UFSP2: variants seen among roughly 807,000 people sequenced by gnomAD.
UFSP2 encodes the protein UFM1 specific peptidase 2.
A neutral mutation model predicts 60.2 loss-of-function variants in UFSP2; 43 were observed. The ratio of observed to expected loss-of-function variants is 0.71; its 90% CI spans 0.56 to 0.92. The LOEUF (loss-of-function observed/expected upper bound fraction) is 0.92. Ranked by LOEUF, UFSP2 falls within the 40% of genes least tolerant of loss-of-function variation. The pLI, the probability that UFSP2 is intolerant of heterozygous loss-of-function variation, is 0.00. For synonymous variants in UFSP2, 183 were observed against 195.1 expected (o/e 0.94, Z 0.52); for missense variants, 520 against 575.0 (o/e 0.90, Z 0.98).
At chr4:185,407,017 C>CT (rs34710879) in intron 9 of UFSP2, among the ~76,000 whole-genome samples, 48 of 99,078 alleles carry the variant, frequency 4.8e-4, no homozygotes, top group African/African-American at 1.1e-3. Flanking sequence ...TTTGGCTTTT[C>CT]TTTTTTTTTT....
Position 185,421,122 on chromosome 4 carries a change from GCTGA to G in UFSP2, c.82+1359_82+1362del, listed in dbSNP as rs140150606. On this transcript the variant is annotated intron_variant, in intron 2 of 11. Coordinates refer to ENST00000264689, the MANE Select transcript of UFSP2 (RefSeq NM_018359.5). Reference sequence around the variant, plus strand: ...ATGGCACATTAGAATTACCTAGAAAGCTGACTGATGCCTGGGTCTCTGTCCCAGA... The same window carrying G: ...ATGGCACATTAGAATTACCTAGAAAGCTGATGCCTGGGTCTCTGTCCCAGA... 5.7e-3 allele frequency among the ~76,000 whole-genome samples: 863 copies of G among 152,300 alleles called. 10 individuals are homozygous for G. Among genetic ancestry groups the G allele is most frequent in the African/African-American group, 0.02 (836 of 41,558 alleles).
intron 1 of UFSP2, among the ~76,000 whole-genome samples, 193 bp downstream of exon 1, chr4:185,425,673 T>C (rs2095558516): frequency 6.6e-6 from 1 of 151,916 alleles, no homozygotes; most frequent in African/African-American, 2.4e-5. Context: ...GGGTGCACAC[T>C]TGTGTAGGGC....
intron 11 of UFSP2, 23 bp from the exon 12 acceptor site, chr4:185,400,501 G>GA (rs747983648): frequency 1.3e-6 from 2 of 1,577,990 alleles, no homozygotes; most frequent in African/African-American, 2.7e-5. Context: ...GACGGGAAAG[G>GA]AAAGCCTTTT....
chr4:185,422,392 ATCTC>A (rs1387499046), intron 2 of UFSP2, 89 bp downstream of exon 2: 10 of 867,104 alleles, frequency 1.2e-5, no homozygotes, highest in South Asian at 9.2e-5. Context: ...AGTTCATCCT[ATCTC>A]TCTCTCAGTT....
At chr4:185,401,254 A>G (rs1020327560) in intron 11 of UFSP2, among the ~76,000 whole-genome samples, 1 of 152,230 alleles carries the variant, frequency 6.6e-6, no homozygotes, top group Non-Finnish European at 1.5e-5. Flanking sequence ...AGATAAAAGT[A>G]AAAAATCCTC....
chr4:185,422,954 G>A (rs1207725714), intron 1 of UFSP2, among the ~76,000 whole-genome samples: 2 of 152,182 alleles, frequency 1.3e-5, no homozygotes, highest in African/African-American at 4.8e-5. Context: ...CGCCTCCTGG[G>A]TGTAAGAGAT....
At chr4:185,423,651 A>G (rs2095553471) in intron 1 of UFSP2, among the ~76,000 whole-genome samples, 1 of 152,228 alleles carries the variant, frequency 6.6e-6, no homozygotes, top group Non-Finnish European at 1.5e-5. Context: ...CAACTTATAA[A>G]GGGAAAAGAG....
chr4:185,408,587 A>G (rs919171298), intron 7 of UFSP2, 152 bp from the exon 8 acceptor site: 1 of 831,560 alleles, frequency 1.2e-6, no homozygotes, highest in Non-Finnish European at 1.8e-6. Flanking sequence ...GTTTAACATT[A>G]TACCTTCTTG....
At chr4:185,400,704 TA>T (rs971181848) in intron 11 of UFSP2, 15 of 390,730 alleles carry the variant, frequency 3.8e-5, no homozygotes, top group Non-Finnish European at 5.5e-5. Context: ...TAAAAATCAT[TA>T]AAAAAAATTT....
rs1240256088 is a variant in UFSP2 at position 185,425,958 on chromosome 4, G to T, written c.-90C>A. On this transcript the variant is annotated 5_prime_UTR_variant, in exon 1 of 12. Coordinates refer to ENST00000264689, the MANE Select transcript of UFSP2 (RefSeq NM_018359.5). ...AGTGGTGTCACCGCACGGCCCAGGG[G>T]CGGGGCCCGGGCGGACCAACTACAA... The T allele has an allele frequency of 1.6e-5, 24 of 1,489,950 alleles. No homozygotes were observed. The highest frequency in any genetic ancestry group is 2.7e-6 in the Non-Finnish European group (3 of 1,092,406). The allele number at this position is 1,489,950 out of a possible 1,614,324, so 92.3% of individuals were successfully genotyped here.
At chr4:185,411,954 C>A (rs1166599325) in intron 7 of UFSP2, among the ~76,000 whole-genome samples, 1 of 152,084 alleles carries the variant, frequency 6.6e-6, no homozygotes, top group African/African-American at 2.4e-5. Context: ...AACATATACG[C>A]TGAAACTACT....
At chr4:185,419,466 T>C (rs1303174625) in intron 2 of UFSP2, among the ~76,000 whole-genome samples, 3 of 152,198 alleles carry the variant, frequency 2.0e-5, no homozygotes, top group South Asian at 4.1e-4. Context: ...TGGTACCCCA[T>C]GGCCTGGTGG....
Position 185,399,916 on chromosome 4 carries a change from A to G in UFSP2, c.*476T>C, listed in dbSNP as rs2095511176. On this transcript the variant is annotated 3_prime_UTR_variant, in exon 12 of 12. Coordinates refer to ENST00000264689, the MANE Select transcript of UFSP2 (RefSeq NM_018359.5). ...TAACATTTTAGTACTGGTTATACTT[A>G]CCAGAGTCTAGAGACCAAAAATGGG... 4 of 1,541,458 alleles carry G rather than the reference A, an allele frequency of 2.6e-6. No individual in the cohort carries two copies. In the African/African-American group the frequency reaches 4.2e-5, roughly 16 times the overall value.
At position 185,418,726 on chromosome 4, in the gene UFSP2, A is replaced by G; in HGVS notation, c.127T>C (p.Ser43Pro). ...AGGGCGTTTGAAGACAGCTTAGTTG[A>G]CAGGTCACTCAACACATGTTTCAGT... is the stretch of plus-strand genomic sequence containing the variant. Reference protein sequence around the residue: ...KALKHVLSDLSTKLSSNALVF... With the variant: ...KALKHVLSDLPTKLSSNALVF... Residue 43 changes from serine to proline, a missense_variant, in exon 3 of 12, where the codon TCA becomes CCA. Ser to Pro is a moderately conservative substitution (Grantham distance 74). Transcript: ENST00000264689. 6.2e-7 allele frequency: 1 copy of G among 1,613,158 alleles called. No homozygotes were observed. The highest frequency in any genetic ancestry group is 8.5e-7 in the Non-Finnish European group (1 of 1,179,734).
chr4:185,406,594 G>C (rs1428841568), intron 9 of UFSP2, among the ~76,000 whole-genome samples: 1 of 151,998 alleles, frequency 6.6e-6, no homozygotes, highest in Non-Finnish European at 1.5e-5. Context: ...ATTATTTTTT[G>C]AGATGGAGGC....
chr4:185,412,726 C>T (rs892704703), intron 7 of UFSP2, among the ~76,000 whole-genome samples: 2 of 152,146 alleles, frequency 1.3e-5, no homozygotes, highest in East Asian at 1.9e-4. Context: ...CACAAGCATA[C>T]ACAGAAAGCA....
chr4:185,418,184 A>C (rs769306347), intron 4 of UFSP2, among the ~76,000 whole-genome samples: 1 of 152,170 alleles, frequency 6.6e-6, no homozygotes, highest in Non-Finnish European at 1.5e-5. Flanking sequence ...GTAATTTATA[A>C]ATGTATTTAG....
At chr4:185,411,119 G>GC (rs1303296784) in intron 7 of UFSP2, among the ~76,000 whole-genome samples, 4 of 147,602 alleles carry the variant, frequency 2.7e-5, no homozygotes, top group African/African-American at 7.4e-5. Flanking sequence ...AAAGCCAAAA[G>GC]TTTTTTTTTT....
intron 7 of UFSP2, 48 bp downstream of exon 7, chr4:185,413,678 A>AT (rs2095533443): frequency 1.3e-6 from 2 of 1,549,034 alleles, no homozygotes; most frequent in Admixed American, 4.1e-5. Context: ...AAAACAACTA[A>AT]TAACATTACT....
Sources: gnomAD v4.1 joint callset for allele counts (sites outside exome capture counted in the v4.1 genomes callset) on GRCh38, gnomAD v4.1.1 for gene constraint, MANE v1.5 for transcripts, NCBI Gene and HGNC (gene_info 2026-07-23, HGNC 2026-07-21) for gene names.